STOM: variants seen among roughly 807,000 people sequenced by gnomAD.
STOM encodes stomatin.
In STOM, 25 loss-of-function variants were observed where a neutral mutation model predicts 30.6. That is an observed-to-expected ratio of 0.82 (90% CI 0.60 to 1.14). The LOEUF is 1.14. Ranked by LOEUF, STOM falls within the 50% of genes most tolerant of loss-of-function variation. The pLI is 0.00. For missense variants in STOM, 292 were observed against 365.2 expected (o/e 0.80, Z 1.63); for synonymous variants, 118 against 130.8 (o/e 0.90, Z 0.67).
Position 121,341,239 on chromosome 9 carries a change from T to C in STOM, c.830A>G (p.Gln277Arg), listed in dbSNP as rs1291511377. The change falls in exon 7 of 7, where the codon CAA becomes CGA. Residue 277 changes from glutamine (Q) to arginine (R), a missense_variant. Gln to Arg is a conservative substitution (Grantham distance 43). Transcript: ENST00000286713. ...GCTGTGTTTTGCCCCTATGATTCCT[T>C]GCAGCATATCTATGGGCAGAGGGAA... ...IVFPLPIDML[Q>R]GIIGAKHSHL... The C allele has an allele frequency of 6.2e-7, 1 of 1,614,060 alleles. No individual in the cohort carries two copies. Among genetic ancestry groups the C allele is most frequent in the Non-Finnish European group, 8.5e-7 (1 of 1,180,052 alleles).
At chr9:121,348,884 A>G (rs2064313144) in intron 5 of STOM, among the ~76,000 whole-genome samples, 1 of 152,180 alleles carries the variant, frequency 6.6e-6, no homozygotes, top group Non-Finnish European at 1.5e-5. Context: ...CTGATTCTGG[A>G]AAAAAATACA....
chr9:121,348,242 G>A (rs956161555), intron 5 of STOM, 93 bp from the exon 6 acceptor site: 10 of 1,567,418 alleles, frequency 6.4e-6, no homozygotes, highest in African/African-American at 1.4e-5. Context: ...GAGATAAGGT[G>A]CTGGGGAGAG....
chr9:121,360,169 A>G (rs1216932125), intron 1 of STOM, among the ~76,000 whole-genome samples: 1 of 152,230 alleles, frequency 6.6e-6, no homozygotes, highest in East Asian at 1.9e-4. Context: ...TAGAATAGAT[A>G]TAAAATAAAA....
rs1008068681 is a variant in STOM, at chr9:121,360,144, C to G, written c.62-3988G>C. Among the ~76,000 whole-genome samples, 15 of 152,176 alleles carry G rather than the reference C, an allele frequency of 9.9e-5. 1 individual carries two copies. Among genetic ancestry groups the G allele is most frequent in the Non-Finnish European group, 5.9e-5 (4 of 68,030 alleles). On this transcript the variant is annotated intron_variant, in intron 1 of 6. Transcript: ENST00000286713. ...ACTTTTATATTCTCAATGTCTAGCA[C>G]AGTATCCTGCATAGTAGAATAGATA...
At chr9:121,356,453 A>G (rs1202969169) in intron 1 of STOM, among the ~76,000 whole-genome samples, 1 of 152,264 alleles carries the variant, frequency 6.6e-6, no homozygotes, top group African/African-American at 2.4e-5. Flanking sequence ...AACAATGAGT[A>G]AGACCCAATC....
At chr9:121,352,287 A>C (rs2064346398) in intron 4 of STOM, among the ~76,000 whole-genome samples, 1 of 152,234 alleles carries the variant, frequency 6.6e-6, no homozygotes, top group Admixed American at 6.5e-5. Context: ...ACCGTTTTTA[A>C]AAATTTGTAT....
At chr9:121,359,754 G>C (rs944925716) in intron 1 of STOM, among the ~76,000 whole-genome samples, 1 of 152,180 alleles carries the variant, frequency 6.6e-6, no homozygotes. Context: ...TTACTCCAAA[G>C]CCCGTGTTCC....
At chr9:121,342,676 T>C (rs1301261725) in intron 6 of STOM, among the ~76,000 whole-genome samples, 2 of 152,212 alleles carry the variant, frequency 1.3e-5, no homozygotes, top group African/African-American at 4.8e-5. Flanking sequence ...ATTGGGTACA[T>C]TTAAAAGAAT....
At chr9:121,344,586 G>A (rs909577217) in intron 6 of STOM, among the ~76,000 whole-genome samples, 3 of 152,226 alleles carry the variant, frequency 2.0e-5, no homozygotes, top group Non-Finnish European at 4.4e-5. Flanking sequence ...ATTTGTGGGT[G>A]TGCACGGCTT....
intron 4 of STOM, among the ~76,000 whole-genome samples, chr9:121,352,213 C>T (rs938071980): frequency 6.6e-6 from 1 of 152,110 alleles, no homozygotes; most frequent in Non-Finnish European, 1.5e-5. Context: ...TACATTAAAT[C>T]CTTTCTGAAG....
chr9:121,348,796 C>T (rs2134026698), intron 5 of STOM, among the ~76,000 whole-genome samples: 2 of 152,296 alleles, frequency 1.3e-5, no homozygotes, highest in Admixed American at 1.3e-4. Context: ...ATTCATGGGA[C>T]TCACACACAG....
intron 4 of STOM, among the ~76,000 whole-genome samples, chr9:121,350,398 T>C (rs2064328938): frequency 6.6e-6 from 1 of 152,244 alleles, no homozygotes; most frequent in Admixed American, 6.5e-5. Context: ...AGTGACATTA[T>C]TTATTCACAT....
intron 1 of STOM, among the ~76,000 whole-genome samples, chr9:121,365,477 G>GT (rs60755333): frequency 0.037 from 5,393 of 144,724 alleles, 316 homozygotes; most frequent in African/African-American, 0.13. Flanking sequence ...CACTTTTTAG[G>GT]TTTTTTTTTT....
At position 121,351,085 on chromosome 9, in the gene STOM, G is replaced by C. The variant is rs138737232; in HGVS notation, c.322-1762C>G. On this transcript the variant is annotated intron_variant, in intron 4 of 6. Coordinates refer to ENST00000286713, the MANE Select transcript of STOM (RefSeq NM_004099.6). ...TCTCCCTTCACAGAAACTTCACAGGGGATCAGAAAAAGGATTGCTGCCAAG... is the reference window on the plus strand; with the variant it reads ...TCTCCCTTCACAGAAACTTCACAGGCGATCAGAAAAAGGATTGCTGCCAAG... 1.6e-4 allele frequency among the ~76,000 whole-genome samples: 24 copies of C among 152,216 alleles called. No individual in the cohort carries two copies. In the East Asian group the frequency reaches 4.4e-3, roughly 28 times the overall value.
At chr9:121,358,239 T>C (rs1384245325) in intron 1 of STOM, among the ~76,000 whole-genome samples, 1 of 152,102 alleles carries the variant, frequency 6.6e-6, no homozygotes, top group Non-Finnish European at 1.5e-5. Context: ...GGAGGATTGC[T>C]TGAGCTCAGG....
Position 121,340,482 on chromosome 9 carries a change from A to G in STOM, c.*720T>C. Reference sequence around the variant, plus strand: ...CCAGGTGTGGTAGCTCATGCCTGTAATCCCAGCACTTTGGGAGGCAGAGGT... The same window carrying G: ...CCAGGTGTGGTAGCTCATGCCTGTAGTCCCAGCACTTTGGGAGGCAGAGGT... On this transcript the variant is annotated 3_prime_UTR_variant, in exon 7 of 7. Coordinates refer to ENST00000286713, the MANE Select transcript of STOM (RefSeq NM_004099.6). 14 of 983,890 alleles carry G rather than the reference A, an allele frequency of 1.4e-5. No individual in the cohort carries two copies. The highest frequency in any genetic ancestry group is 1.7e-5 in the Non-Finnish European group (14 of 828,524). The allele number at this position is 983,890 out of a possible 1,614,324, so 60.9% of individuals were successfully genotyped here. A position where few individuals can be genotyped will look rare whatever the true frequency, so the allele number is the denominator to read the frequency against.
chr9:121,341,252 T>C lies in STOM; in HGVS notation c.817A>G (p.Ile273Val). 3 of 1,614,144 alleles carry C rather than the reference T, an allele frequency of 1.9e-6. No individual in the cohort carries two copies. The highest frequency in any genetic ancestry group is 1.7e-6 in the Non-Finnish European group (2 of 1,180,030). ...KNSTIVFPLP[I>V]DMLQGIIGAK... ...CCTATGATTCCTTGCAGCATATCTA[T>C]GGGCAGAGGGAAGACAATTGTTGAG... The change falls in exon 7 of 7, where the codon ATA (isoleucine) becomes GTA (valine). Residue 273 changes from isoleucine (I) to valine (V), a missense_variant. Transcript: ENST00000286713.
chr9:121,361,757 A>T (rs1284928308), intron 1 of STOM, among the ~76,000 whole-genome samples: 1 of 152,136 alleles, frequency 6.6e-6, no homozygotes, highest in African/African-American at 2.4e-5. Flanking sequence ...GGTTGTAAAT[A>T]CTACTTTGCC....
At chr9:121,358,136 ACTTT>A (rs1287206936) in intron 1 of STOM, among the ~76,000 whole-genome samples, 1 of 147,246 alleles carries the variant, frequency 6.8e-6, no homozygotes, top group African/African-American at 2.5e-5. Flanking sequence ...CTCTGTCTCT[ACTTT>A]AAAAAAAAAA....
Sources: allele counts gnomAD v4.1 joint callset (sites outside exome capture counted in the v4.1 genomes callset), GRCh38; gene constraint gnomAD v4.1.1; transcripts MANE v1.5; gene names NCBI Gene and HGNC (gene_info 2026-07-23, HGNC 2026-07-21).